ESRRG: variants seen among roughly 807,000 people sequenced by gnomAD.
The protein encoded by ESRRG is estrogen-related receptor gamma.
ESRRG carries 13 observed loss-of-function variants against 44.0 expected under a neutral mutation model. The observed-to-expected ratio is 0.30, with a 90% CI of 0.19 to 0.47. The LOEUF (loss-of-function observed/expected upper bound fraction) is 0.47. Ranked by LOEUF, ESRRG falls within the 20% of genes least tolerant of loss-of-function variation. The pLI is 1.00. For missense variants in ESRRG, 395 were observed against 580.6 expected (o/e 0.68, Z 3.29); for synonymous variants, 215 against 214.6 (o/e 1.00, Z -0.02).
At chr1:216,981,303 C>T (rs1003277536) in intron 1 of ESRRG, among the ~76,000 whole-genome samples, 5 of 152,256 alleles carry the variant, frequency 3.3e-5, no homozygotes, top group South Asian at 2.1e-4. Context: ...TCTCAAAGAA[C>T]GTAATCTAAT....
intron 1 of ESRRG, among the ~76,000 whole-genome samples, chr1:216,963,133 C>A (rs1027191583): frequency 6.6e-6 from 1 of 152,032 alleles, no homozygotes; most frequent in East Asian, 1.9e-4. Flanking sequence ...CACTATAAGG[C>A]GCTATATAAA....
At chr1:217,109,884 A>G (rs1558271646) in intron 1 of ESRRG, among the ~76,000 whole-genome samples, 1 of 152,216 alleles carries the variant, frequency 6.6e-6, no homozygotes, top group Non-Finnish European at 1.5e-5. Flanking sequence ...GTGAATTCTA[A>G]AAGGTTTTAA....
At chr1:217,095,286 G>A (rs764234141) in intron 1 of ESRRG, among the ~76,000 whole-genome samples, 7 of 152,186 alleles carry the variant, frequency 4.6e-5, no homozygotes, top group Non-Finnish European at 7.4e-5. Context: ...AGTCATCAAA[G>A]ACATTTATTT....
chr1:216,547,536 G>A lies in ESRRG; in HGVS notation c.862+16683C>T, dbSNP rs1283324252. On this transcript the variant is annotated intron_variant, in intron 5 of 6. Transcript: ENST00000408911. ...CCAGAGGCACACATTTAATGGGGCT[G>A]CACATACACGTCTGCTGACATCACC... Among the ~76,000 whole-genome samples the A allele has an allele frequency of 5.9e-5, 9 of 152,186 alleles. No homozygotes were observed. In the East Asian group the frequency reaches 1.5e-3, roughly 26 times the overall value.
rs11117684 is a variant in ESRRG at position 216,810,540 on chromosome 1, G to A, written c.-14+129042C>T. 9.8e-3 allele frequency among the ~76,000 whole-genome samples: 1,458 copies of A among 148,824 alleles called. 26 individuals are homozygous for A. Among genetic ancestry groups the A allele is most frequent in the African/African-American group, 0.034 (1,376 of 40,706 alleles). On this transcript the variant is annotated intron_variant, in intron 2 of 7. Coordinates refer to the ESRRG transcript ENST00000359162. ...AGACAGTGGTATACAGAATGTGGTG[G>A]TCAAGTAATAGAAGGCAGAATATAT...
rs1243536886 is a variant in ESRRG at position 216,506,421 on chromosome 1, A to G, written c.*518T>C. The G allele has an allele frequency of 1.6e-5, 5 of 309,794 alleles. No individual in the cohort carries two copies. In the East Asian group the frequency reaches 4.2e-4, roughly 26 times the overall value. The allele number at this position is 309,794 out of a possible 1,614,324, so 19.2% of individuals were successfully genotyped here. A position where few individuals can be genotyped will look rare whatever the true frequency, so the allele number is the denominator to read the frequency against. On this transcript the variant is annotated 3_prime_UTR_variant, in exon 7 of 7. Transcript: ENST00000408911. ...TAAAAGTTCAGCAGCAGAAGGAAGA[A>G]AAAGAAAGATGGAAAGAAGGTCAAG...
chr1:216,509,083 A>G (rs534799248), intron 6 of ESRRG, among the ~76,000 whole-genome samples: 1 of 152,236 alleles, frequency 6.6e-6, no homozygotes, highest in Non-Finnish European at 1.5e-5. Context: ...TCAGGTGAAC[A>G]TGGCCTCATT....
intron 5 of ESRRG, among the ~76,000 whole-genome samples, chr1:216,532,053 T>C (rs1429737233): frequency 2.0e-5 from 3 of 151,186 alleles, no homozygotes; most frequent in Non-Finnish European, 4.4e-5. Flanking sequence ...TAGATTTGAG[T>C]AGCATGAACA....
At chr1:216,643,096 A>G (rs1280229589) in intron 3 of ESRRG, among the ~76,000 whole-genome samples, 1 of 152,192 alleles carries the variant, frequency 6.6e-6, no homozygotes, top group Non-Finnish European at 1.5e-5. Flanking sequence ...CCACTGCCAT[A>G]TATAAATCAA....
At chr1:216,595,582 A>T in intron 3 of ESRRG, among the ~76,000 whole-genome samples, 1 of 152,212 alleles carries the variant, frequency 6.6e-6, no homozygotes, top group East Asian at 1.9e-4. Context: ...GGTGCAGCAC[A>T]TTTCATTTCT....
At chr1:216,687,211 G>A (rs988379735) in intron 1 of ESRRG, among the ~76,000 whole-genome samples, 55 of 152,126 alleles carry the variant, frequency 3.6e-4, no homozygotes, top group African/African-American at 1.3e-3. Flanking sequence ...TTTTAGGGGA[G>A]CTGGGGAATG....
At chr1:216,597,314 G>A (rs2058579206) in intron 3 of ESRRG, among the ~76,000 whole-genome samples, 1 of 152,142 alleles carries the variant, frequency 6.6e-6, no homozygotes, top group Non-Finnish European at 1.5e-5. Flanking sequence ...TTTAATAAAA[G>A]CATGGGCTAG....
At chr1:216,786,284 A>C (rs1207461037) in intron 2 of ESRRG, among the ~76,000 whole-genome samples, 1 of 152,154 alleles carries the variant, frequency 6.6e-6, no homozygotes, top group Non-Finnish European at 1.5e-5. Context: ...GAGGAAAACA[A>C]AAGCCAATGA....
At chr1:217,047,923 C>T (rs757738212) in intron 1 of ESRRG, among the ~76,000 whole-genome samples, 2 of 152,162 alleles carry the variant, frequency 1.3e-5, no homozygotes, top group African/African-American at 2.4e-5. Flanking sequence ...GCCCACATTT[C>T]CAGACCACGG....
intron 5 of ESRRG, among the ~76,000 whole-genome samples, chr1:216,545,113 C>A (rs1007537778): frequency 6.6e-6 from 1 of 151,696 alleles, no homozygotes; most frequent in Non-Finnish European, 1.5e-5. Context: ...TACAGTGGCA[C>A]AATCATAGCT....
chr1:216,950,692 C>T (rs929003967), intron 1 of ESRRG, among the ~76,000 whole-genome samples: 5 of 152,122 alleles, frequency 3.3e-5, no homozygotes, highest in Non-Finnish European at 5.9e-5. Flanking sequence ...TTTTATTTGT[C>T]TATTATTATA....
At chr1:216,895,449 AG>A (rs1458564673) in intron 2 of ESRRG, among the ~76,000 whole-genome samples, 3 of 152,210 alleles carry the variant, frequency 2.0e-5, no homozygotes, top group African/African-American at 7.2e-5. Context: ...TCATTTTATC[AG>A]GATGGTGGAA....
chr1:217,017,707 G>A (rs72741465), intron 1 of ESRRG, among the ~76,000 whole-genome samples: 3 of 151,914 alleles, frequency 2.0e-5, no homozygotes, highest in African/African-American at 7.3e-5. Flanking sequence ...TACGCCATAG[G>A]ATTTCTGGAA....
At chr1:217,068,882 C>T (rs2090161853) in intron 1 of ESRRG, among the ~76,000 whole-genome samples, 2 of 152,204 alleles carry the variant, frequency 1.3e-5, no homozygotes, top group African/African-American at 4.8e-5. Flanking sequence ...AATCCTTCCC[C>T]TCCACGTCCA....
Sources: allele counts gnomAD v4.1 joint callset (sites outside exome capture counted in the v4.1 genomes callset), GRCh38; gene constraint gnomAD v4.1.1; transcripts MANE v1.5; gene names NCBI Gene and HGNC (gene_info 2026-07-23, HGNC 2026-07-21).